The following KLRF2 variants were observed in gnomAD, a reference collection of about 807,000 sequenced individuals.
KLRF2 encodes killer cell lectin-like receptor subfamily F member 2.
KLRF2 carries 28 observed loss-of-function variants against 25.3 expected under a neutral mutation model. The ratio of observed to expected loss-of-function variants is 1.11; its 90% CI spans 0.82 to 1.52. The LOEUF (loss-of-function observed/expected upper bound fraction) is 1.52. KLRF2 is among the 40% of genes most tolerant of loss of function. The pLI, the probability that KLRF2 is intolerant of heterozygous loss-of-function variation, is 0.00. For synonymous variants in KLRF2, 73 were observed against 85.0 expected (o/e 0.86, Z 0.78); for missense variants, 265 against 245.8 (o/e 1.08, Z -0.52).
At position 9,895,763 on chromosome 12, in the gene KLRF2, G is replaced by A. The variant is rs1038131137; in HGVS notation, c.554G>A (p.Cys185Tyr). The change falls in exon 6 of 6, where the codon TGT becomes TAT. Residue 185 changes from cysteine to tyrosine, a missense_variant. Physicochemically the swap from Cys to Tyr is radical, Grantham distance 194 (BLOSUM62 -2). Coordinates refer to ENST00000535540, the MANE Select transcript of KLRF2 (RefSeq NM_001190765.1). The stretch of plus-strand genomic sequence containing the variant: ...GGAAACTGGGTGTATTCTGAAGACT[G>A]TAGCTCCACATTTAAGGGCATTTGC... Reference protein sequence around the residue: ...ITGNWVYSEDCSSTFKGICQR... With the variant: ...ITGNWVYSEDYSSTFKGICQR... 6 of 1,535,758 alleles carry A rather than the reference G, an allele frequency of 3.9e-6. No individual in the cohort carries two copies. In the African/African-American group the frequency reaches 6.8e-5, roughly 18 times the overall value.
intron 2 of KLRF2, among the ~76,000 whole-genome samples, chr12:9,888,141 A>G (rs1057323367): frequency 2.0e-5 from 3 of 151,784 alleles, no homozygotes; most frequent in Non-Finnish European, 4.4e-5. Context: ...GTCCAGTGAA[A>G]AAAATAATAT....
chr12:9,895,073 A>T (rs1176456612), intron 5 of KLRF2, among the ~76,000 whole-genome samples: 1 of 152,192 alleles, frequency 6.6e-6, no homozygotes, highest in African/African-American at 2.4e-5. Flanking sequence ...ATTGCGCATC[A>T]TCCTAACCTT....
At chr12:9,889,940 T>C (rs1862654519) in intron 3 of KLRF2, among the ~76,000 whole-genome samples, 2 of 152,080 alleles carry the variant, frequency 1.3e-5, no homozygotes, top group Admixed American at 1.3e-4. Context: ...AGGATTTTAT[T>C]TTTTATTATA....
At chr12:9,891,150 A>G (rs964035759) in intron 3 of KLRF2, among the ~76,000 whole-genome samples, 2 of 151,828 alleles carry the variant, frequency 1.3e-5, no homozygotes, top group Non-Finnish European at 2.9e-5. Context: ...GTGTCATTTA[A>G]CTCTACAAAG....
chr12:9,888,919 T>C, intron 3 of KLRF2, 139 bp downstream of exon 3: 1 of 502,626 alleles, frequency 2.0e-6, no homozygotes, highest in Non-Finnish European at 3.6e-6. Context: ...AAGGACATCC[T>C]CTTCCTCAGT....
chr12:9,895,703 G>T lies in KLRF2; in HGVS notation c.494G>T (p.Gly165Val), dbSNP rs777326238. 7.2e-6 allele frequency: 11 copies of T among 1,532,890 alleles called. No individual in the cohort carries two copies. Among genetic ancestry groups the T allele is most frequent in the Non-Finnish European group, 9.6e-6 (11 of 1,145,824 alleles). The allele number at this position is 1,532,890 out of a possible 1,614,324, so 95.0% of individuals were successfully genotyped here. A position where few individuals can be genotyped will look rare whatever the true frequency, so the allele number is the denominator to read the frequency against. The stretch of plus-strand genomic sequence containing the variant: ...TTGTCTCTTAGGTTTTCAGTGATTG[G>T]ACCAACTGATGACAGGAGCTGTGCC... ...FLVPELFSVI[G>V]PTDDRSCAVI... Residue 165 changes from glycine (G) to valine (V), a missense_variant, in exon 6 of 6, where the codon GGA becomes GTA. By Grantham distance (109) the Gly-to-Val change is moderately radical. Coordinates refer to ENST00000535540, the MANE Select transcript of KLRF2 (RefSeq NM_001190765.1).
At chr12:9,890,246 A>G (rs1862660424) in intron 3 of KLRF2, among the ~76,000 whole-genome samples, 1 of 152,206 alleles carries the variant, frequency 6.6e-6, no homozygotes, top group Non-Finnish European at 1.5e-5. Flanking sequence ...TATATAACAA[A>G]TTACCACACA....
intron 3 of KLRF2, among the ~76,000 whole-genome samples, chr12:9,892,742 G>A (rs1464981325): frequency 6.6e-6 from 1 of 151,642 alleles, no homozygotes; most frequent in Admixed American, 6.6e-5. Context: ...GGGCCACCAT[G>A]CCTGGCTAAT....
Position 9,893,431 on chromosome 12 carries a change from G to A in KLRF2, c.369G>A (p.Glu123=). The A allele has an allele frequency of 1.5e-6, 2 of 1,360,356 alleles. No individual in the cohort carries two copies. The highest frequency in any genetic ancestry group is 2.0e-6 in the Non-Finnish European group (2 of 993,720). 84.3% of individuals were successfully genotyped at this position (1,360,356 alleles called of 1,614,324 possible). A position where few individuals can be genotyped will look rare whatever the true frequency, so the allele number is the denominator to read the frequency against. Residue 123 remains glutamate, a splice_region_variant and synonymous_variant, in exon 5 of 6, where the codon GAG becomes GAA. Coordinates refer to ENST00000535540, the MANE Select transcript of KLRF2 (RefSeq NM_001190765.1). ...LLVIQNLDEL[E]FIQNSLKPGH... is the part of the protein sequence containing the mutation. Reference sequence around the variant, plus strand: ...TAAATGCACTATTTCTTCTGCAGGAGTTCATACAGAACAGTTTAAAACCTG... The same window carrying A: ...TAAATGCACTATTTCTTCTGCAGGAATTCATACAGAACAGTTTAAAACCTG...
chr12:9,893,329 A>G (rs892854977), intron 4 of KLRF2, 100 bp from the exon 5 acceptor site: 3 of 834,324 alleles, frequency 3.6e-6, no homozygotes, highest in Admixed American at 2.9e-5. Flanking sequence ...TGTATATGAA[A>G]AAATATATTT....
At chr12:9,891,702 G>T (rs138725845) in intron 3 of KLRF2, among the ~76,000 whole-genome samples, 1 of 151,986 alleles carries the variant, frequency 6.6e-6, no homozygotes, top group Non-Finnish European at 1.5e-5. Context: ...TTCAGCATTG[G>T]CCACTCTTGC....
chr12:9,893,701 C>T (rs1275726908), intron 5 of KLRF2, among the ~76,000 whole-genome samples, 160 bp downstream of exon 5: 1 of 117,776 alleles, frequency 8.5e-6, no homozygotes, highest in Non-Finnish European at 2.1e-5. Flanking sequence ...TCTTTCCTTC[C>T]TCCCTCCCTT....
Position 9,881,670 on chromosome 12 carries a change from G to A in KLRF2, c.70+5G>A, listed in dbSNP as rs2136991616. The A allele has an allele frequency of 6.5e-7, 1 of 1,531,038 alleles. No homozygotes were observed. The highest frequency in any genetic ancestry group is 2.5e-5 in the East Asian group (1 of 40,814). The allele number at this position is 1,531,038 out of a possible 1,614,324, so 94.8% of individuals were successfully genotyped here. A position where few individuals can be genotyped will look rare whatever the true frequency, so the allele number is the denominator to read the frequency against. ...AATCGAAGCAGAAATCTAAAGGTAG[G>A]AATACTGCTCCCCATCACCGCATTT... On this transcript the variant is annotated splice_donor_5th_base_variant and intron_variant, in intron 1 of 5. Coordinates refer to ENST00000535540, the MANE Select transcript of KLRF2 (RefSeq NM_001190765.1).
chr12:9,894,635 T>A lies in KLRF2; in HGVS notation c.480-1054T>A, dbSNP rs74594143. On this transcript the variant is annotated intron_variant, in intron 5 of 5. Transcript: ENST00000535540. ...CTTCTGTGCTTTCAGTTACTAGTCA[T>A]ACTACCAAAACACTTGAGATGTGGT... Among the ~76,000 whole-genome samples, 37 of 152,340 alleles carry A rather than the reference T, an allele frequency of 2.4e-4. No individual in the cohort carries two copies. In the East Asian group the frequency reaches 6.7e-3, roughly 28 times the overall value.
chr12:9,891,478 T>C (rs1245058131), intron 3 of KLRF2, among the ~76,000 whole-genome samples: 2 of 152,198 alleles, frequency 1.3e-5, no homozygotes, highest in Non-Finnish European at 2.9e-5. Context: ...TGGTACTTCA[T>C]TGACCAGTCT....
chr12:9,888,316 C>T (rs1272069811), intron 2 of KLRF2, among the ~76,000 whole-genome samples: 2 of 151,212 alleles, frequency 1.3e-5, no homozygotes, highest in Non-Finnish European at 3.0e-5. Flanking sequence ...TCATGAAACC[C>T]CATCTCTACT....
intron 5 of KLRF2, 146 bp downstream of exon 5, chr12:9,893,687 C>CT (rs1203581867): frequency 5.0e-6 from 2 of 402,570 alleles, no homozygotes; most frequent in Non-Finnish European, 4.3e-6. Context: ...TTAGCTCTCT[C>CT]TTTTCTTTCC....
chr12:9,895,676 C>T lies in KLRF2; in HGVS notation c.480-13C>T, dbSNP rs1385406642. The T allele has an allele frequency of 1.3e-6, 2 of 1,510,114 alleles. No homozygotes were observed. Among genetic ancestry groups the T allele is most frequent in the Admixed American group, 2.3e-5 (1 of 44,214 alleles). 93.5% of individuals were successfully genotyped at this position (1,510,114 alleles called of 1,614,324 possible). ...TAAGATAAATGCTGAAAAATCTGTC[C>T]TTTGTCTCTTAGGTTTTCAGTGATT... On this transcript the variant is annotated splice_polypyrimidine_tract_variant and intron_variant, in intron 5 of 5. Coordinates refer to ENST00000535540, the MANE Select transcript of KLRF2 (RefSeq NM_001190765.1).
chr12:9,895,637 T>C lies in KLRF2; in HGVS notation c.480-52T>C, dbSNP rs183087735. On this transcript the variant is annotated intron_variant, in intron 5 of 5. Transcript: ENST00000535540. ...TTTGGCTGGAGAAAACTTTAAAAGA[T>C]ACTATTATCATTTTAAGATAAATGC... The C allele has an allele frequency of 3.2e-3, 4,697 of 1,455,568 alleles. 14 individuals are homozygous for C. The highest frequency in any genetic ancestry group is 5.6e-3 in the Middle Eastern group (32 of 5,688). The allele number at this position is 1,455,568 out of a possible 1,614,324, so 90.2% of individuals were successfully genotyped here.
Sources: gnomAD v4.1 joint callset for allele counts (sites outside exome capture counted in the v4.1 genomes callset) on GRCh38, gnomAD v4.1.1 for gene constraint, MANE v1.5 for transcripts, NCBI Gene and HGNC (gene_info 2026-07-23, HGNC 2026-07-21) for gene names.